Variants in GLRA1 observed in about 807,000 individuals in gnomAD.
GLRA1 encodes glycine receptor subunit alpha-1.
Under a neutral mutation model 48.3 loss-of-function variants are expected in GLRA1, and 37 were observed. The ratio of observed to expected loss-of-function variants is 0.77; its 90% confidence interval spans 0.59 to 1.01. GLRA1 has a LOEUF of 1.01. GLRA1 is among the 50% of genes least tolerant of loss of function. The probability of loss-of-function intolerance (pLI) is 0.00; values close to 1 mark genes in which losing one functional copy is unlikely to be tolerated. For synonymous variants in GLRA1, 196 were observed against 210.7 expected (o/e 0.93, Z 0.60); for missense variants, 427 against 571.0 (o/e 0.75, Z 2.57).
chr5:151,889,770 G>A (rs898027180), intron 2 of GLRA1, among the ~76,000 whole-genome samples: 1 of 152,056 alleles, frequency 6.6e-6, no homozygotes, highest in Non-Finnish European at 1.5e-5. Context: ...TTGTGTCGGT[G>A]GAAGCAGGAA....
chr5:151,849,376 GTTTCCTTTCCTTTCCTTTCC>G (rs757139471), intron 7 of GLRA1, among the ~76,000 whole-genome samples: 4 of 13,186 alleles, frequency 3.0e-4, no homozygotes, highest in African/African-American at 1.8e-3. Flanking sequence ...TCTTCCTTTC[GTTTCCTTTCCTTTCCTTTCC>G]TTTCCTTTCC....
chr5:151,880,548 A>C (rs1431945810), intron 3 of GLRA1, among the ~76,000 whole-genome samples: 1 of 152,230 alleles, frequency 6.6e-6, no homozygotes, highest in African/African-American at 2.4e-5. Flanking sequence ...ACATGTTCTA[A>C]TAATGGAAAT....
intron 1 of GLRA1, among the ~76,000 whole-genome samples, chr5:151,895,130 G>A (rs1020799517): frequency 9.2e-5 from 14 of 152,140 alleles, no homozygotes; most frequent in Non-Finnish European, 1.6e-4. Context: ...GTGCATGGAG[G>A]TGTTTGCAGA....
At chr5:151,911,362 G>C (rs1452377320) in intron 1 of GLRA1, among the ~76,000 whole-genome samples, 2 of 152,084 alleles carry the variant, frequency 1.3e-5, no homozygotes, top group African/African-American at 4.8e-5. Flanking sequence ...TTTAATTATA[G>C]TAATAGTGGT....
chr5:151,906,985 T>C (rs944344773), intron 1 of GLRA1, among the ~76,000 whole-genome samples: 1 of 152,136 alleles, frequency 6.6e-6, no homozygotes, highest in South Asian at 2.1e-4. Context: ...GCTGCCTGAG[T>C]AGATGATGAG....
intron 1 of GLRA1, among the ~76,000 whole-genome samples, chr5:151,908,207 A>T (rs757849245): frequency 3.3e-5 from 5 of 152,244 alleles, no homozygotes; most frequent in Non-Finnish European, 7.3e-5. Flanking sequence ...GGGTCCCACC[A>T]GCAGGAAACA....
At chr5:151,906,582 G>A (rs12657411) in intron 1 of GLRA1, among the ~76,000 whole-genome samples, 11 of 152,152 alleles carry the variant, frequency 7.2e-5, no homozygotes, top group African/African-American at 2.7e-4. Context: ...AGAAGGGATC[G>A]GTCCATTGGG....
chr5:151,879,108 G>A (rs1419260752), intron 3 of GLRA1, among the ~76,000 whole-genome samples: 1 of 152,254 alleles, frequency 6.6e-6, no homozygotes, highest in East Asian at 1.9e-4. Flanking sequence ...GGGCATAGCT[G>A]CCCAAGACCA....
intron 2 of GLRA1, among the ~76,000 whole-genome samples, chr5:151,889,290 G>T (rs922368231): frequency 2.6e-5 from 4 of 152,172 alleles, no homozygotes; most frequent in African/African-American, 4.8e-5. Flanking sequence ...TTGCTTTTTT[G>T]TATGTATTTG....
chr5:151,885,450 A>G (rs1424990952), intron 3 of GLRA1, among the ~76,000 whole-genome samples: 4 of 152,240 alleles, frequency 2.6e-5, no homozygotes, highest in African/African-American at 9.6e-5. Context: ...GAAGGGACCC[A>G]TCCCAGCCTT....
At chr5:151,824,757 T>C (rs976363868) in intron 8 of GLRA1, among the ~76,000 whole-genome samples, 7 of 152,168 alleles carry the variant, frequency 4.6e-5, no homozygotes, top group South Asian at 2.1e-4. Context: ...AAAGCTCTTA[T>C]CACATTGTAT....
intron 3 of GLRA1, among the ~76,000 whole-genome samples, chr5:151,861,493 T>G (rs1021215525): frequency 3.9e-5 from 6 of 152,254 alleles, no homozygotes; most frequent in African/African-American, 1.4e-4. Context: ...ATGAGCATTT[T>G]TTCATGTGTC....
chr5:151,836,347 G>A (rs901725163), intron 7 of GLRA1, among the ~76,000 whole-genome samples: 1 of 152,178 alleles, frequency 6.6e-6, no homozygotes, highest in Non-Finnish European at 1.5e-5. Flanking sequence ...CTCATGGATA[G>A]GAAGAATTAA....
chr5:151,859,248 A>G (rs987352194), intron 4 of GLRA1, among the ~76,000 whole-genome samples: 4 of 152,216 alleles, frequency 2.6e-5, no homozygotes, highest in African/African-American at 9.6e-5. Context: ...GGGTGGCAGT[A>G]GACTCTGAAG....
chr5:151,855,249 G>A, intron 5 of GLRA1, 72 bp from the exon 6 acceptor site: 9 of 1,481,500 alleles, frequency 6.1e-6, no homozygotes, highest in Non-Finnish European at 8.5e-6. Flanking sequence ...GGATTGGTTA[G>A]GGTTAGAGAC....
chr5:151,919,065 A>C (rs1754809557), intron 1 of GLRA1, among the ~76,000 whole-genome samples: 1 of 152,220 alleles, frequency 6.6e-6, no homozygotes, highest in African/African-American at 2.4e-5. Context: ...AACAAATTGC[A>C]TATTTACTTC....
Position 151,863,111 on chromosome 5 carries a change from G to C in GLRA1, c.253-3103C>G, listed in dbSNP as rs564499364. Reference sequence around the variant, plus strand: ...GGCAGTTAAGAAATATTTCCATTAAGAAAGTTTTTGGTCAGGAGCGATGGC... The same window carrying C: ...GGCAGTTAAGAAATATTTCCATTAACAAAGTTTTTGGTCAGGAGCGATGGC... On this transcript the variant is annotated intron_variant, in intron 3 of 8. Transcript: ENST00000274576. Among the ~76,000 whole-genome samples the C allele has an allele frequency of 7.2e-5, 11 of 152,308 alleles. No individual in the cohort carries two copies. The South Asian group carries it at 2.3e-3, about 32-fold the overall frequency.
At chr5:151,922,262 A>G (rs541679644) in intron 1 of GLRA1, among the ~76,000 whole-genome samples, 9 of 152,332 alleles carry the variant, frequency 5.9e-5, no homozygotes, top group African/African-American at 1.9e-4. Context: ...TCTACCCCCA[A>G]ATACATTCTA....
At chr5:151,862,836 C>G (rs1753240214) in intron 3 of GLRA1, among the ~76,000 whole-genome samples, 1 of 152,166 alleles carries the variant, frequency 6.6e-6, no homozygotes, top group South Asian at 2.1e-4. Flanking sequence ...AACTCCATCC[C>G]CACCTCCCAC....
Sources: allele counts gnomAD v4.1 joint callset (sites outside exome capture counted in the v4.1 genomes callset), GRCh38; gene constraint gnomAD v4.1.1; transcripts MANE v1.5; gene names NCBI Gene and HGNC (gene_info 2026-07-23, HGNC 2026-07-21).